Variants in MYO18B observed in about 807,000 individuals in gnomAD.
MYO18B encodes myosin XVIIIB, also known as unconventional myosin-XVIIIb.
MYO18B carries 204 observed loss-of-function variants against 273.0 expected under a neutral mutation model. The ratio of observed to expected loss-of-function variants is 0.75; its 90% confidence interval spans 0.67 to 0.84. The LOEUF (loss-of-function observed/expected upper bound fraction) is 0.84. Ranked by LOEUF, MYO18B falls within the 40% of genes least tolerant of loss-of-function variation. The probability of loss-of-function intolerance (pLI) is 0.00; values close to 1 mark genes in which losing one functional copy is unlikely to be tolerated. For synonymous variants in MYO18B, 1,330 were observed against 1,305.7 expected, an observed-to-expected ratio of 1.02 and a Z score of -0.40; for missense variants, 3,212 against 3,287.6, an observed-to-expected ratio of 0.98 and a Z score of 0.56.
chr22:25,986,007 A>G (rs1035900028), intron 39 of MYO18B, among the ~76,000 whole-genome samples: 3 of 152,218 alleles, frequency 2.0e-5, no homozygotes, highest in Non-Finnish European at 4.4e-5. Context: ...CCCTCGGACA[A>G]TTTGAAGGAA....
At chr22:25,790,447 C>A (rs2145717440) in intron 11 of MYO18B, among the ~76,000 whole-genome samples, 1 of 152,266 alleles carries the variant, frequency 6.6e-6, no homozygotes, top group South Asian at 2.1e-4. Flanking sequence ...CAGTTATCGT[C>A]TTTCCTGTTG....
chr22:26,017,379 C>G lies in MYO18B; in HGVS notation c.6471-9066C>G, dbSNP rs75666269. 3.8e-3 allele frequency among the ~76,000 whole-genome samples: 577 copies of G among 151,958 alleles called. 4 individuals carry two copies. Among genetic ancestry groups the G allele is most frequent in the African/African-American group, 0.013 (541 of 41,430 alleles). On this transcript the variant is annotated intron_variant, in intron 42 of 43. Coordinates refer to ENST00000335473, the MANE Select transcript of MYO18B (RefSeq NM_032608.7). ...TCCTTCCTCCCTTCCTTCCTCCCTC[C>G]CCTCCTCCTTCCTCCTCTCCCTTCT...
chr22:25,941,829 A>G (rs1383562355), intron 34 of MYO18B, among the ~76,000 whole-genome samples: 1 of 152,118 alleles, frequency 6.6e-6, no homozygotes, highest in African/African-American at 2.4e-5. Flanking sequence ...CCTCTGGGAC[A>G]CTGACCTCCC....
At chr22:25,762,522 G>A (rs528566484) in intron 2 of MYO18B, among the ~76,000 whole-genome samples, 65 of 152,380 alleles carry the variant, frequency 4.3e-4, no homozygotes, top group African/African-American at 1.4e-3. Context: ...AGCCAACAGC[G>A]GGGTCTCAGC....
intron 42 of MYO18B, among the ~76,000 whole-genome samples, chr22:26,011,229 A>C (rs934773583): frequency 6.6e-6 from 1 of 151,972 alleles, no homozygotes; most frequent in Non-Finnish European, 1.5e-5. Flanking sequence ...TGCCTGCACC[A>C]TTCTGAGTCC....
At chr22:25,761,643 C>T (rs1314437157) in intron 2 of MYO18B, among the ~76,000 whole-genome samples, 1 of 152,200 alleles carries the variant, frequency 6.6e-6, no homozygotes, top group Non-Finnish European at 1.5e-5. Flanking sequence ...GAAGGGCTGC[C>T]TCTTTCTAAG....
intron 38 of MYO18B, chr22:25,953,757 G>A (rs1040175563): frequency 4.6e-5 from 7 of 152,156 alleles, no homozygotes; most frequent in African/African-American, 1.7e-4. Context: ...GAGGAGAAAA[G>A]AAAATGAATG....
intron 15 of MYO18B, among the ~76,000 whole-genome samples, chr22:25,829,522 T>TTAAA (rs752155333): frequency 1.1e-4 from 15 of 139,394 alleles, no homozygotes; most frequent in Non-Finnish European, 2.3e-4. Flanking sequence ...TCTTTTTTCA[T>TTAAA]AAAAAAAAAA....
chr22:25,903,476 G>A (rs909375202), intron 30 of MYO18B, among the ~76,000 whole-genome samples, 155 bp from the exon 31 acceptor site: 2 of 152,206 alleles, frequency 1.3e-5, no homozygotes, highest in African/African-American at 4.8e-5. Context: ...GTCCCACAGG[G>A]GGCGCTGTGA....
At chr22:25,888,793 C>T (rs1365990283) in intron 25 of MYO18B, among the ~76,000 whole-genome samples, 2 of 152,198 alleles carry the variant, frequency 1.3e-5, no homozygotes, top group Non-Finnish European at 2.9e-5. Flanking sequence ...TCCCCCAAGC[C>T]TTCTTTCTCC....
At chr22:25,822,082 C>T (rs994053930) in intron 12 of MYO18B, among the ~76,000 whole-genome samples, 1 of 152,140 alleles carries the variant, frequency 6.6e-6, no homozygotes. Context: ...TTATAATGGT[C>T]CAAAGAGTGG....
chr22:25,921,441 G>T, intron 34 of MYO18B, 32 bp downstream of exon 34: 1 of 1,588,316 alleles, frequency 6.3e-7, no homozygotes, highest in Non-Finnish European at 8.6e-7. Flanking sequence ...TGAGAATCAG[G>T]CTGGGGAGGA....
intron 42 of MYO18B, among the ~76,000 whole-genome samples, chr22:26,019,593 ACT>A (rs1366353989): frequency 6.6e-6 from 1 of 152,084 alleles, no homozygotes; most frequent in Non-Finnish European, 1.5e-5. Context: ...TTTGTTACAG[ACT>A]CTCTGTTGTT....
chr22:26,058,836 A>G, the MYO18B span, among the ~76,000 whole-genome samples: 1 of 152,172 alleles, frequency 6.6e-6, no homozygotes, highest in Non-Finnish European at 1.5e-5. Context: ...CTGCAGAACC[A>G]TGAGTCAAAA....
intron 13 of MYO18B, 51 bp from the exon 14 acceptor site, chr22:25,826,358 G>A (rs1450221189): frequency 6.9e-7 from 1 of 1,459,240 alleles, no homozygotes; most frequent in Non-Finnish European, 9.5e-7. Flanking sequence ...GATGTCCTTG[G>A]CCCCAGGCAA....
chr22:25,889,346 G>A (rs981528097), intron 25 of MYO18B, among the ~76,000 whole-genome samples: 10 of 152,088 alleles, frequency 6.6e-5, no homozygotes, highest in African/African-American at 2.2e-4. Context: ...ATGCAGAGTC[G>A]CCTCTAAATA....
At position 25,847,663 on chromosome 22, in the gene MYO18B, G is replaced by A. The variant is rs1454465985; in HGVS notation, c.3775+11G>A. Reference sequence around the variant, plus strand: ...GTCTGCATAGGACAGGTAAGAGACAGCTAGGACACAGCACCTTGTCTCTGA... The same window carrying A: ...GTCTGCATAGGACAGGTAAGAGACAACTAGGACACAGCACCTTGTCTCTGA... On this transcript the variant is annotated intron_variant, in intron 20 of 43. Coordinates refer to ENST00000335473, the MANE Select transcript of MYO18B (RefSeq NM_032608.7). 2 of 1,543,622 alleles carry A rather than the reference G, an allele frequency of 1.3e-6. No homozygotes were observed. The highest frequency in any genetic ancestry group is 1.8e-6 in the Non-Finnish European group (2 of 1,140,958).
chr22:25,744,031 C>T (rs1009989773), intron 1 of MYO18B, among the ~76,000 whole-genome samples: 2 of 152,154 alleles, frequency 1.3e-5, no homozygotes, highest in African/African-American at 4.8e-5. Flanking sequence ...GTTCTGGTGC[C>T]CACCCAAATT....
At chr22:25,786,776 T>C (rs926819087) in intron 11 of MYO18B, among the ~76,000 whole-genome samples, 1 of 152,190 alleles carries the variant, frequency 6.6e-6, no homozygotes, top group East Asian at 1.9e-4. Flanking sequence ...AAATCACTTA[T>C]CTGATAAAGG....
Sources: gnomAD v4.1 joint callset for allele counts (sites outside exome capture counted in the v4.1 genomes callset) on GRCh38, gnomAD v4.1.1 for gene constraint, MANE v1.5 for transcripts, NCBI Gene and HGNC (gene_info 2026-07-23, HGNC 2026-07-21) for gene names.